The following HHAT variants were observed in gnomAD, a reference collection of about 807,000 sequenced individuals.
The protein encoded by HHAT is hedgehog acyltransferase.
In HHAT, 47 loss-of-function variants were observed where a neutral mutation model predicts 70.8. That is an observed-to-expected ratio of 0.66 (90% CI 0.53 to 0.85). The LOEUF is 0.85. HHAT is among the 40% of genes least tolerant of loss of function. HHAT has a pLI of 0.00. For missense variants in HHAT, 609 were observed against 604.8 expected, an observed-to-expected ratio of 1.01 and a Z score of -0.07; for synonymous variants, 228 against 247.6, an observed-to-expected ratio of 0.92 and a Z score of 0.74.
chr1:210,539,298 A>C (rs72749367), intron 9 of HHAT, among the ~76,000 whole-genome samples: 274 of 152,310 alleles, frequency 1.8e-3, no homozygotes, highest in Non-Finnish European at 3.5e-3. Context: ...ATGATTCAAG[A>C]ATTTTATATC....
intron 11 of HHAT, among the ~76,000 whole-genome samples, chr1:210,673,372 A>G (rs1680483832): frequency 6.6e-6 from 1 of 152,080 alleles, no homozygotes; most frequent in Non-Finnish European, 1.5e-5. Flanking sequence ...AAAACACACA[A>G]CGGTGATGAT....
chr1:210,564,868 TG>T (rs1254935189), intron 9 of HHAT, among the ~76,000 whole-genome samples: 1 of 151,782 alleles, frequency 6.6e-6, no homozygotes, highest in East Asian at 1.9e-4. Context: ...AGAAATGGGA[TG>T]GGGGGTCACT....
chr1:210,405,620 T>A (rs1444122857), intron 6 of HHAT, among the ~76,000 whole-genome samples: 1 of 152,180 alleles, frequency 6.6e-6, no homozygotes, highest in African/African-American at 2.4e-5. Context: ...AGTTGCTCCC[T>A]GAAAAAGGAG....
intron 8 of HHAT, among the ~76,000 whole-genome samples, chr1:210,465,867 G>C (rs1434172701): frequency 6.6e-6 from 1 of 151,804 alleles, no homozygotes; most frequent in East Asian, 1.9e-4. Context: ...GGAATTGCAA[G>C]GAATGAATTG....
intron 1 of HHAT, among the ~76,000 whole-genome samples, chr1:210,336,330 G>A (rs2085497282): frequency 1.0e-5 from 1 of 95,726 alleles, no homozygotes; most frequent in African/African-American, 3.9e-5. Flanking sequence ...GTCTTACCAT[G>A]TTGCCCAGGC....
intron 11 of HHAT, among the ~76,000 whole-genome samples, chr1:210,646,287 G>T (rs562391481): frequency 6.6e-6 from 1 of 152,284 alleles, no homozygotes; most frequent in Admixed American, 6.5e-5. Context: ...GAGAATAAAA[G>T]GGACTATGCA....
At chr1:210,612,759 A>G (rs1183341878) in intron 10 of HHAT, among the ~76,000 whole-genome samples, 5 of 152,138 alleles carry the variant, frequency 3.3e-5, no homozygotes, top group Non-Finnish European at 7.4e-5. Context: ...TTACATTCTC[A>G]CCAGCAATAC....
At chr1:210,505,662 C>G (rs952593668) in intron 8 of HHAT, among the ~76,000 whole-genome samples, 3 of 152,148 alleles carry the variant, frequency 2.0e-5, no homozygotes, top group African/African-American at 7.2e-5. Flanking sequence ...AGTTCTCAAA[C>G]TTCCCAGACA....
At chr1:210,447,526 A>G (rs2093660305) in intron 7 of HHAT, among the ~76,000 whole-genome samples, 1 of 152,242 alleles carries the variant, frequency 6.6e-6, no homozygotes, top group South Asian at 2.1e-4. Flanking sequence ...TGGTTTAGTC[A>G]GAATTAGACA....
intron 11 of HHAT, among the ~76,000 whole-genome samples, chr1:210,655,359 C>T (rs968207839): frequency 6.6e-6 from 1 of 152,166 alleles, no homozygotes; most frequent in Non-Finnish European, 1.5e-5. Flanking sequence ...TCAATGGCGC[C>T]CTGTTCTGTC....
intron 11 of HHAT, among the ~76,000 whole-genome samples, chr1:210,636,616 G>C (rs1041262897): frequency 1.3e-5 from 2 of 152,022 alleles, no homozygotes; most frequent in Non-Finnish European, 2.9e-5. Flanking sequence ...TAGCTGTTTG[G>C]GGAAAAAATT....
rs75594266 is a variant in HHAT at position 210,447,825 on chromosome 1, A to T, written c.857-16680A>T. 3.8e-3 allele frequency among the ~76,000 whole-genome samples: 574 copies of T among 152,166 alleles called. 6 individuals are homozygous for T. Among genetic ancestry groups the T allele is most frequent in the African/African-American group, 0.013 (552 of 41,512 alleles). On this transcript the variant is annotated intron_variant, in intron 7 of 11. Coordinates refer to ENST00000261458, the MANE Select transcript of HHAT (RefSeq NM_018194.6). ...GAGGCCCCACATTCTGGTAATATAGATCTGTCTCTATGAGCTGGGTTAATG... is the reference window on the plus strand; with the variant it reads ...GAGGCCCCACATTCTGGTAATATAGTTCTGTCTCTATGAGCTGGGTTAATG...
chr1:210,569,373 CAAAAAAAAAAAA>C (rs71146233), intron 9 of HHAT, among the ~76,000 whole-genome samples: 1 of 28,338 alleles, frequency 3.5e-5, no homozygotes, highest in Non-Finnish European at 6.3e-5. Context: ...GAGTCTGCCT[CAAAAAAAAAAAA>C]AAAAAAAAAA....
intron 10 of HHAT, among the ~76,000 whole-genome samples, chr1:210,620,068 G>C (rs973893292): frequency 6.6e-6 from 1 of 152,136 alleles, no homozygotes; most frequent in Non-Finnish European, 1.5e-5. Flanking sequence ...CCTCCCACTC[G>C]TGAGGCTTGC....
intron 9 of HHAT, among the ~76,000 whole-genome samples, chr1:210,567,086 A>C (rs1411565834): frequency 6.6e-6 from 1 of 152,202 alleles, no homozygotes; most frequent in Non-Finnish European, 1.5e-5. Context: ...GGGTTAGAGC[A>C]ATGGTGGCAA....
chr1:210,429,944 G>C (rs7518269), intron 7 of HHAT, among the ~76,000 whole-genome samples: 68,079 of 151,532 alleles, frequency 0.45, 15,668 homozygotes, highest in Admixed American at 0.53. Flanking sequence ...CATTTGATAG[G>C]TGGCATTCTT....
intron 3 of HHAT, among the ~76,000 whole-genome samples, chr1:210,380,952 A>G (rs1210594182): frequency 6.6e-6 from 1 of 152,072 alleles, no homozygotes; most frequent in African/African-American, 2.4e-5. Flanking sequence ...CTGGAATGCT[A>G]AGGGGAGCAC....
At chr1:210,553,052 G>A (rs1338074978) in intron 9 of HHAT, among the ~76,000 whole-genome samples, 2 of 152,166 alleles carry the variant, frequency 1.3e-5, no homozygotes, top group African/African-American at 4.8e-5. Context: ...ATCTTTGCCT[G>A]TTCCACTTCA....
At chr1:210,671,864 G>T (rs1680156526) in intron 11 of HHAT, among the ~76,000 whole-genome samples, 1 of 152,254 alleles carries the variant, frequency 6.6e-6, no homozygotes, top group Non-Finnish European at 1.5e-5. Flanking sequence ...GCTGCCAGGG[G>T]TCGTCTGCTG....
Sources: gnomAD v4.1 joint callset for allele counts (sites outside exome capture counted in the v4.1 genomes callset) on GRCh38, gnomAD v4.1.1 for gene constraint, MANE v1.5 for transcripts, NCBI Gene and HGNC (gene_info 2026-07-23, HGNC 2026-07-21) for gene names.